Variants in CEP97 observed in about 807,000 individuals in gnomAD.
The protein encoded by CEP97 is centrosomal protein of 97 kDa.
Under a neutral mutation model 73.1 loss-of-function variants are expected in CEP97, and 43 were observed. The observed-to-expected ratio is 0.59, with a 90% CI of 0.46 to 0.76. The LOEUF is 0.76. Ranked by LOEUF, CEP97 falls within the 30% of genes least tolerant of loss-of-function variation. CEP97 has a pLI of 0.00. For missense variants in CEP97, 939 were observed against 1,014.0 expected, an observed-to-expected ratio of 0.93 and a Z score of 1.00; for synonymous variants, 337 against 370.0, an observed-to-expected ratio of 0.91 and a Z score of 1.02.
Position 101,756,927 on chromosome 3 carries a change from A to G in CEP97, c.894-136A>G. On this transcript the variant is annotated intron_variant, in intron 7 of 10. Transcript: ENST00000341893. The stretch of plus-strand genomic sequence containing the variant: ...ATCCAGTGCTTTCAAATGAGGATTT[A>G]TAATTTGGCATTAATTAAAAGTACC... The G allele has an allele frequency of 4.1e-6, 3 of 737,144 alleles. No individual in the cohort carries two copies. The South Asian group carries it at 6.6e-5, about 16-fold the overall frequency. 45.7% of individuals were successfully genotyped at this position (737,144 alleles called of 1,614,324 possible). A position where few individuals can be genotyped will look rare whatever the true frequency, so the allele number is the denominator to read the frequency against.
intron 2 of CEP97, 29 bp downstream of exon 2, chr3:101,726,765 C>A (rs780966665): frequency 4.8e-5 from 72 of 1,498,176 alleles, no homozygotes; most frequent in Non-Finnish European, 6.2e-5. Context: ...GAAATGGTTA[C>A]ATAGGATCAA....
Position 101,765,049 on chromosome 3 carries a change from C to G in CEP97, c.2096C>G (p.Pro699Arg). The change falls in exon 11 of 11, where the codon CCA becomes CGA. Residue 699 changes from proline to arginine, a missense_variant. Transcript: ENST00000341893. ...CAAGAGAAATCATTACCAGAATTTC[C>G]AGACTCTGGTTTTCATTCCTCTCTA... is the stretch of plus-strand genomic sequence containing the variant. ...APQEKSLPEF[P>R]DSGFHSSLTE... 6.2e-7 allele frequency: 1 copy of G among 1,614,064 alleles called. No individual in the cohort carries two copies. Among genetic ancestry groups the G allele is most frequent in the African/African-American group, 1.3e-5 (1 of 75,020 alleles).
intron 6 of CEP97, among the ~76,000 whole-genome samples, chr3:101,740,903 C>T (rs1302416089): frequency 1.3e-5 from 2 of 152,074 alleles, no homozygotes; most frequent in East Asian, 3.9e-4. Context: ...TGACTTTCTT[C>T]ACAGAATTAG....
chr3:101,760,185 C>T (rs1939132235), intron 9 of CEP97, among the ~76,000 whole-genome samples: 1 of 152,020 alleles, frequency 6.6e-6, no homozygotes, highest in South Asian at 2.1e-4. Context: ...AAAGTCCTGT[C>T]TGATGCTGCT....
At chr3:101,744,552 C>T (rs534251235) in intron 6 of CEP97, among the ~76,000 whole-genome samples, 11 of 148,610 alleles carry the variant, frequency 7.4e-5, no homozygotes, top group African/African-American at 2.7e-4. Flanking sequence ...CATTGCACTC[C>T]AGCCTGGGCA....
chr3:101,758,727 T>G, intron 9 of CEP97: 1 of 269,476 alleles, frequency 3.7e-6, no homozygotes, highest in Non-Finnish European at 7.0e-6. Context: ...CAGAAAACAT[T>G]GAAAAACCAA....
chr3:101,764,976 T>C lies in CEP97; in HGVS notation c.2023T>C (p.Ser675Pro), dbSNP rs1472730163. Residue 675 changes from serine (S) to proline (P), a missense_variant, in exon 11 of 11, where the codon TCT (serine) becomes CCT (proline). Transcript: ENST00000341893. ...ATTATTTACCCAAAGCCAGGAGTCC[T>C]CTTGTGATCAAAATGCTGATTGGTT... ...HPLFTQSQES[S>P]CDQNADWFIA... The C allele has an allele frequency of 6.2e-7, 1 of 1,614,182 alleles. No individual in the cohort carries two copies. Among genetic ancestry groups the C allele is most frequent in the Admixed American group, 1.7e-5 (1 of 60,018 alleles).
intron 5 of CEP97, 35 bp downstream of exon 5, chr3:101,731,988 G>T: frequency 8.1e-7 from 1 of 1,236,794 alleles, no homozygotes. Flanking sequence ...GATTCAGGAA[G>T]CTGGAAATCC....
intron 6 of CEP97, among the ~76,000 whole-genome samples, chr3:101,742,705 G>T (rs764363389): frequency 4.1e-4 from 62 of 150,222 alleles, no homozygotes; most frequent in Non-Finnish European, 6.9e-4. Context: ...TGCACATTCT[G>T]CACAAGTATC....
Position 101,731,969 on chromosome 3 carries a change from A to T in CEP97, c.561+16A>T. On this transcript the variant is annotated intron_variant, in intron 5 of 10. Transcript: ENST00000341893. ...CTTAAATGAGGTAAAATTTGAGGGT[A>T]TTTTGTGAGATTCAGGAAGCTGGAA... The T allele has an allele frequency of 1.4e-6, 2 of 1,383,792 alleles. No individual in the cohort carries two copies. Among genetic ancestry groups the T allele is most frequent in the Admixed American group, 1.7e-5 (1 of 59,342 alleles). 85.7% of individuals were successfully genotyped at this position (1,383,792 alleles called of 1,614,324 possible).
Position 101,732,543 on chromosome 3 carries a change from CT to C in CEP97, c.619del (p.Cys207ValfsTer2). The C allele has an allele frequency of 6.2e-7, 1 of 1,613,682 alleles. No homozygotes were observed. On this transcript the variant is annotated frameshift_variant, in exon 6 of 11. Transcript: ENST00000341893. LOFTEE classifies it high-confidence loss of function. The part of the protein sequence containing the change: ...ELEQLSIMNN[P>X]CVMATPSIPG... ...GAACAGTTGTCGATTATGAACAATC[CT>C]TGTGTGATGGCAACACCATCCATCC...
At chr3:101,761,044 T>G (rs1386366430) in intron 9 of CEP97, among the ~76,000 whole-genome samples, 2 of 151,892 alleles carry the variant, frequency 1.3e-5, no homozygotes, top group South Asian at 2.1e-4. Context: ...TTTTTGCATT[T>G]TTAGTAAAGA....
intron 6 of CEP97, among the ~76,000 whole-genome samples, chr3:101,735,033 T>C (rs1421942093): frequency 1.3e-5 from 2 of 152,168 alleles, no homozygotes; most frequent in Non-Finnish European, 2.9e-5. Flanking sequence ...CTTGCTTTCA[T>C]GGATGGTAGG....
chr3:101,757,482 ATGTT>A, intron 8 of CEP97, 148 bp from the exon 9 acceptor site: 1 of 738,042 alleles, frequency 1.4e-6, no homozygotes, highest in Non-Finnish European at 2.1e-6. Context: ...TTTCTTAAAA[ATGTT>A]TGGTTTGATG....
rs1939345107 is a variant in CEP97 at position 101,767,322 on chromosome 3, T to C, written c.*1771T>C. The C allele has an allele frequency of 6.6e-6, 1 of 152,212 alleles. No homozygotes were observed. The highest frequency in any genetic ancestry group is 1.5e-5 in the Non-Finnish European group (1 of 68,026). The allele number at this position is 152,212 out of a possible 1,614,324, so 9.4% of individuals were successfully genotyped here. A position where few individuals can be genotyped will look rare whatever the true frequency, so the allele number is the denominator to read the frequency against. ...ACATTGAATGCATGTTAAATAAAAA[T>C]GGAATTTCTAACTTTTTTTCAATAG... On this transcript the variant is annotated 3_prime_UTR_variant, in exon 11 of 11. Coordinates refer to ENST00000341893, the MANE Select transcript of CEP97 (RefSeq NM_024548.4).
chr3:101,743,107 G>C (rs926883742), intron 6 of CEP97, among the ~76,000 whole-genome samples: 4 of 151,786 alleles, frequency 2.6e-5, no homozygotes, highest in African/African-American at 9.7e-5. Context: ...TTTGCTGGGT[G>C]TGGTGGTGTG....
chr3:101,765,257 C>T lies in CEP97; in HGVS notation c.2304C>T (p.Asp768=), dbSNP rs778266123. 3 of 1,614,142 alleles carry T rather than the reference C, an allele frequency of 1.9e-6. No individual in the cohort carries two copies. Among genetic ancestry groups the T allele is most frequent in the Non-Finnish European group, 2.5e-6 (3 of 1,180,014 alleles). The change falls in exon 11 of 11, where the codon GAC becomes GAT. Residue 768 remains aspartate, a synonymous_variant. Transcript: ENST00000341893. ...AGGAAAGCTCAAATAACGAGCAGGA[C>T]AATAGTCTGCTTGAACAGTATTTAA... ...WNKESSNNEQ[D]NSLLEQYLTS...
At chr3:101,763,809 T>C (rs1939234396) in intron 10 of CEP97, among the ~76,000 whole-genome samples, 1 of 152,222 alleles carries the variant, frequency 6.6e-6, no homozygotes, top group Admixed American at 6.5e-5. Context: ...AGACTTATTT[T>C]ACAAGATCTA....
chr3:101,730,955 ATTT>A (rs531615738), intron 4 of CEP97, among the ~76,000 whole-genome samples: 5 of 139,490 alleles, frequency 3.6e-5, no homozygotes, highest in Non-Finnish European at 4.7e-5. Flanking sequence ...AGATGATTGA[ATTT>A]TTTTTTTTTT....
Sources: gnomAD v4.1 joint callset for allele counts (sites outside exome capture counted in the v4.1 genomes callset) on GRCh38, gnomAD v4.1.1 for gene constraint, MANE v1.5 for transcripts, NCBI Gene and HGNC (gene_info 2026-07-23, HGNC 2026-07-21) for gene names.